The following ZP4 variants were observed in gnomAD, a reference collection of about 807,000 sequenced individuals.
The protein encoded by ZP4 is zona pellucida sperm-binding protein 4.
ZP4 carries 62 observed loss-of-function variants against 62.3 expected under a neutral mutation model. The observed-to-expected ratio is 0.99, with a 90% CI of 0.81 to 1.23. The LOEUF (loss-of-function observed/expected upper bound fraction) is 1.23, where lower values mean the gene tolerates loss of function less well. ZP4 is among the 50% of genes most tolerant of loss of function. The probability of loss-of-function intolerance (pLI) is 0.00; values close to 1 mark genes in which losing one functional copy is unlikely to be tolerated. For missense variants in ZP4, 774 were observed against 656.0 expected, an observed-to-expected ratio of 1.18 and a Z score of -1.97; for synonymous variants, 289 against 247.3, an observed-to-expected ratio of 1.17 and a Z score of -1.58.
rs552208352 is a variant in ZP4, at chr1:237,882,710, C to T, written c.1495+32G>A. 3.7e-6 allele frequency: 6 copies of T among 1,605,376 alleles called. No homozygotes were observed. In the South Asian group the frequency reaches 5.5e-5, roughly 15 times the overall value. On this transcript the variant is annotated intron_variant, in intron 11 of 11. Transcript: ENST00000366570. ...TTGCTTTGATTAGTAATTTAGTTCA[C>T]TAGTTTGATCTCCTCCCTCTTGGAT... is the stretch of plus-strand genomic sequence containing the variant.
chr1:237,883,870 G>C (rs529348750), intron 10 of ZP4, among the ~76,000 whole-genome samples: 3 of 146,204 alleles, frequency 2.1e-5, no homozygotes, highest in Admixed American at 1.4e-4. Flanking sequence ...TGAACTGGGC[G>C]TATCACCTGA....
rs1670924756 is a variant in ZP4, at chr1:237,884,915, C to A, written c.1312-68G>T. 3 of 1,525,538 alleles carry A rather than the reference C, an allele frequency of 2.0e-6. No individual in the cohort carries two copies. In the South Asian group the frequency reaches 3.5e-5, roughly 18 times the overall value. The allele number at this position is 1,525,538 out of a possible 1,614,324, so 94.5% of individuals were successfully genotyped here. The stretch of plus-strand genomic sequence containing the variant: ...CCATGTATCTCTAAACCTGCTTTGC[C>A]TCCCCAGGAAGAGGTTCAGGAAGTT... On this transcript the variant is annotated intron_variant, in intron 9 of 11. Transcript: ENST00000366570.
chr1:237,885,025 A>G (rs2298100), intron 9 of ZP4, 140 bp downstream of exon 9: 1,146,495 of 1,269,746 alleles, frequency 0.9, 518,352 homozygotes, highest in African/African-American at 0.95. Flanking sequence ...TCATGTAATT[A>G]GTAACAAGGG....
intron 10 of ZP4, among the ~76,000 whole-genome samples, chr1:237,884,005 C>CACAA (rs1665022021): frequency 3.3e-4 from 32 of 95,778 alleles, no homozygotes; most frequent in African/African-American, 1.3e-3. Flanking sequence ...CACACACACA[C>CACAA]ACACACACAC....
At chr1:237,884,009 C>CAA (rs1665024060) in intron 10 of ZP4, among the ~76,000 whole-genome samples, 120 of 80,616 alleles carry the variant, frequency 1.5e-3, no homozygotes, top group African/African-American at 5.2e-3. Flanking sequence ...CACACACACA[C>CAA]ACACACAAAC....
rs1337019103 is a variant in ZP4 at position 237,890,294 on chromosome 1, A to T, written c.176-118T>A. The T allele has an allele frequency of 2.6e-6, 4 of 1,540,258 alleles. No individual in the cohort carries two copies. In the African/African-American group the frequency reaches 5.5e-5, roughly 21 times the overall value. On this transcript the variant is annotated intron_variant, in intron 1 of 11. Transcript: ENST00000366570. ...CTGTCAATAAGAGGAACAAGAGGGA[A>T]ATCAGATTCAGATCAGATGTAGTTA...
In ZP4 at chr1:237,883,744, A is replaced by C. The variant is rs555524519; in HGVS notation, c.1391-898T>G. On this transcript the variant is annotated intron_variant, in intron 10 of 11. Coordinates refer to ENST00000366570, the MANE Select transcript of ZP4 (RefSeq NM_021186.5). Reference sequence around the variant, plus strand: ...GAGGGCGGGGGAGGGAGAGAGAGGGAGAGAGAGGGAGAGAGAGGGAGAGAG... The same window carrying C: ...GAGGGCGGGGGAGGGAGAGAGAGGGCGAGAGAGGGAGAGAGAGGGAGAGAG... Among the ~76,000 whole-genome samples, 25 of 95,640 alleles carry C rather than the reference A, an allele frequency of 2.6e-4. 1 individual carries two copies. Among genetic ancestry groups the C allele is most frequent in the Non-Finnish European group, 4.9e-4 (22 of 45,052 alleles). The allele number at this position is 95,640 out of a possible 152,430, so 62.7% of individuals were successfully genotyped here. A position where few individuals can be genotyped will look rare whatever the true frequency, so the allele number is the denominator to read the frequency against.
intron 9 of ZP4, 96 bp downstream of exon 9, chr1:237,885,069 A>T: frequency 6.6e-7 from 1 of 1,522,084 alleles, no homozygotes; most frequent in Non-Finnish European, 8.9e-7. Context: ...CCAGCATTAA[A>T]GGGCTTCCTT....
chr1:237,884,210 T>A (rs1665041584), intron 10 of ZP4, among the ~76,000 whole-genome samples: 1 of 152,218 alleles, frequency 6.6e-6, no homozygotes, highest in Non-Finnish European at 1.5e-5. Context: ...TACTTAATGT[T>A]GTACTTTGCA....
In ZP4 at chr1:237,890,098, A is replaced by G. The variant is rs759655853; in HGVS notation, c.254T>C (p.Val85Ala). The part of the protein sequence containing the change: ...TWIRKGPGSS[V>A]VLEATYSSCY... ...GCTGCTATAGGTTGCCTCCAACACC[A>G]CGGAGCTGCCTGGACCTTTTCTTAT... Residue 85 changes from valine to alanine, a missense_variant, in exon 2 of 12, where the codon GTG becomes GCG. By Grantham distance (64) the Val-to-Ala change is moderately conservative (BLOSUM62 0). Transcript: ENST00000366570. The G allele has an allele frequency of 3.1e-6, 5 of 1,614,098 alleles. No homozygotes were observed. In the East Asian group the frequency reaches 1.1e-4, roughly 36 times the overall value.
At chr1:237,883,987 C>CACACAA (rs1665014930) in intron 10 of ZP4, among the ~76,000 whole-genome samples, 10 of 36,446 alleles carry the variant, frequency 2.7e-4, no homozygotes, top group Non-Finnish European at 3.4e-4. Context: ...CACACAAACA[C>CACACAA]ACACACACAC....
chr1:237,884,178 T>A (rs559891578), intron 10 of ZP4, among the ~76,000 whole-genome samples: 200 of 152,340 alleles, frequency 1.3e-3, no homozygotes, highest in African/African-American at 4.7e-3. Context: ...GAAGTAGTGA[T>A]AATATGCATT....
At chr1:237,888,628 G>A (rs1665165941) in intron 3 of ZP4, 118 bp from the exon 4 acceptor site, 1 of 968,184 alleles carries the variant, frequency 1.0e-6, no homozygotes, top group South Asian at 2.0e-5. Context: ...TGAAATAGGT[G>A]TCTACTCCAT....
intron 10 of ZP4, among the ~76,000 whole-genome samples, chr1:237,884,360 T>C (rs890210472): frequency 6.6e-5 from 10 of 152,142 alleles, no homozygotes; most frequent in African/African-American, 2.2e-4. Flanking sequence ...CTTAGAAGCA[T>C]TGGACCCAAC....
chr1:237,888,455 CAGTCTGTCCCGTGCTGGGATGG>C lies in ZP4; in HGVS notation c.434_455del (p.Ser145CysfsTer16). The C allele has an allele frequency of 6.2e-7, 1 of 1,612,182 alleles. No homozygotes were observed. The highest frequency in any genetic ancestry group is 8.5e-7 in the Non-Finnish European group (1 of 1,178,794). ...GAGAGATGGGTGAAGGTGCACATGG[CAGTCTGTCCCGTGCTGGGATGG>C]AGTCACACCAGTCAGTATCTGGAGC... On this transcript the variant is annotated frameshift_variant, in exon 4 of 12. Coordinates refer to ENST00000366570, the MANE Select transcript of ZP4 (RefSeq NM_021186.5). LOFTEE classifies it high-confidence loss of function.
intron 4 of ZP4, among the ~76,000 whole-genome samples, 198 bp from the exon 5 acceptor site, chr1:237,887,759 G>A (rs531897710): frequency 6.6e-6 from 1 of 152,216 alleles, no homozygotes; most frequent in Non-Finnish European, 1.5e-5. Flanking sequence ...TTGCCTCCCT[G>A]ACTTATTGTG....
rs762480030 is a variant in ZP4 at position 237,885,593 on chromosome 1, G to T, written c.971-13C>A. ...CCATAGTTTTTATCTGCAAGAGGCA[G>T]AAATAAGGATTTGAAGTAGTAATCT... On this transcript the variant is annotated splice_polypyrimidine_tract_variant and intron_variant, in intron 7 of 11. Transcript: ENST00000366570. The T allele has an allele frequency of 2.5e-6, 4 of 1,611,102 alleles. No individual in the cohort carries two copies. The highest frequency in any genetic ancestry group is 3.4e-6 in the Non-Finnish European group (4 of 1,178,740).
chr1:237,886,244 C>T (rs1665098262), intron 6 of ZP4, among the ~76,000 whole-genome samples: 1 of 152,156 alleles, frequency 6.6e-6, no homozygotes, highest in African/African-American at 2.4e-5. Flanking sequence ...CAAGGAAGTG[C>T]TTGAGGCCCT....
intron 6 of ZP4, among the ~76,000 whole-genome samples, 157 bp downstream of exon 6, chr1:237,886,614 A>G (rs572240127): frequency 6.6e-6 from 1 of 152,342 alleles, no homozygotes; most frequent in East Asian, 1.9e-4. Context: ...ACAGCAACAC[A>G]GATGGACCTA....
Sources: allele counts gnomAD v4.1 joint callset (sites outside exome capture counted in the v4.1 genomes callset), GRCh38; gene constraint gnomAD v4.1.1; transcripts MANE v1.5; gene names NCBI Gene and HGNC (gene_info 2026-07-23, HGNC 2026-07-21).